Variants in COL18A1 observed in about 807,000 individuals in gnomAD.
COL18A1 encodes collagen type XVIII alpha 1 chain, also known as collagen alpha-1(XVIII) chain.
A neutral mutation model predicts 168.0 loss-of-function variants in COL18A1; 133 were observed. The ratio of observed to expected loss-of-function variants is 0.79; its 90% confidence interval spans 0.69 to 0.91. The LOEUF (loss-of-function observed/expected upper bound fraction) is 0.91, where lower values mean the gene tolerates loss of function less well. Ranked by LOEUF, COL18A1 falls within the 40% of genes least tolerant of loss-of-function variation. The probability of loss-of-function intolerance (pLI) is 0.00; values close to 1 mark genes in which losing one functional copy is unlikely to be tolerated. For synonymous variants in COL18A1, 949 were observed against 809.0 expected (o/e 1.17, Z -2.94); for missense variants, 2,126 against 1,925.4 (o/e 1.10, Z -1.95).
chr21:45,478,682 G>C (rs1165727877), intron 9 of COL18A1, among the ~76,000 whole-genome samples: 1 of 152,072 alleles, frequency 6.6e-6, no homozygotes, highest in South Asian at 2.1e-4. Context: ...GCAAGTCGGC[G>C]GGGGAGGGAA....
intron 2 of COL18A1, among the ~76,000 whole-genome samples, chr21:45,450,574 G>A: frequency 6.6e-6 from 1 of 152,190 alleles, no homozygotes; most frequent in East Asian, 1.9e-4. Context: ...GAAAATAAAA[G>A]ACCACACTAT....
At chr21:45,438,317 C>T (rs571521964) in intron 2 of COL18A1, among the ~76,000 whole-genome samples, 1 of 104,184 alleles carries the variant, frequency 9.6e-6, no homozygotes, top group Non-Finnish European at 1.9e-5. Context: ...GACACACAGG[C>T]ACTCTCCTGC....
intron 2 of COL18A1, among the ~76,000 whole-genome samples, chr21:45,435,600 C>T (rs926288404): frequency 7.2e-5 from 11 of 151,962 alleles, no homozygotes; most frequent in Non-Finnish European, 1.3e-4. Flanking sequence ...CTGTGGGAGT[C>T]CGGGAGGGAG....
chr21:45,459,036 C>A (rs58750109), intron 2 of COL18A1, among the ~76,000 whole-genome samples: 1 of 152,150 alleles, frequency 6.6e-6, no homozygotes, highest in African/African-American at 2.4e-5. Flanking sequence ...GTAGCGTCCC[C>A]GTGCGAGGGA....
chr21:45,444,743 A>G (rs1280452291), intron 2 of COL18A1, among the ~76,000 whole-genome samples: 1 of 152,122 alleles, frequency 6.6e-6, no homozygotes. Context: ...TAGGTTTGAA[A>G]ACCAACATTA....
chr21:45,470,663 T>A (rs1351508753), intron 3 of COL18A1, among the ~76,000 whole-genome samples: 1 of 151,966 alleles, frequency 6.6e-6, no homozygotes, highest in Admixed American at 6.6e-5. Flanking sequence ...ATTTTTGTAT[T>A]TTTAGTAGAG....
intron 2 of COL18A1, among the ~76,000 whole-genome samples, chr21:45,431,189 G>A (rs1440318850): frequency 6.6e-6 from 1 of 152,140 alleles, no homozygotes; most frequent in Non-Finnish European, 1.5e-5. Flanking sequence ...GCTCTCCAAG[G>A]GTGGGCGACG....
At chr21:45,454,904 G>C (rs928197750) in intron 2 of COL18A1, among the ~76,000 whole-genome samples, 1 of 152,224 alleles carries the variant, frequency 6.6e-6, no homozygotes, top group African/African-American at 2.4e-5. Flanking sequence ...AGGGCTGAGA[G>C]GGACACAGTC....
In COL18A1 at chr21:45,507,304, G is replaced by T; in HGVS notation, c.3217-257G>T. On this transcript the variant is annotated intron_variant, in intron 37 of 41. Transcript: ENST00000651438. ...CTGGGAGGGCCGGGTGCTGGGCAGGGAGGGCACCCTCCTGTGGGCTGGCAG... is the reference window on the plus strand; with the variant it reads ...CTGGGAGGGCCGGGTGCTGGGCAGGTAGGGCACCCTCCTGTGGGCTGGCAG... The T allele has an allele frequency of 8.7e-6, 5 of 574,842 alleles. No homozygotes were observed. In the South Asian group the frequency reaches 9.4e-5, roughly 11 times the overall value. The allele number at this position is 574,842 out of a possible 1,614,324, so 35.6% of individuals were successfully genotyped here. A position where few individuals can be genotyped will look rare whatever the true frequency, so the allele number is the denominator to read the frequency against.
In COL18A1 at chr21:45,486,851, C is replaced by A. The variant is rs1264362792; in HGVS notation, c.1702-10C>A. 2 of 1,527,314 alleles carry A rather than the reference C, an allele frequency of 1.3e-6. No individual in the cohort carries two copies. The highest frequency in any genetic ancestry group is 8.8e-7 in the Non-Finnish European group (1 of 1,140,292). The allele number at this position is 1,527,314 out of a possible 1,614,324, so 94.6% of individuals were successfully genotyped here. A position where few individuals can be genotyped will look rare whatever the true frequency, so the allele number is the denominator to read the frequency against. On this transcript the variant is annotated splice_polypyrimidine_tract_variant and intron_variant, in intron 15 of 41. Coordinates refer to ENST00000651438, the MANE Select transcript of COL18A1 (RefSeq NM_001379500.1). The stretch of plus-strand genomic sequence containing the variant: ...GCTGGGTCCTGACACGCTCTCCTCA[C>A]CCCACGCAGGGGAGCAAGGGAGCCC...
intron 3 of COL18A1, among the ~76,000 whole-genome samples, chr21:45,470,828 G>A (rs2035395631): frequency 6.6e-6 from 1 of 152,328 alleles, no homozygotes; most frequent in South Asian, 2.1e-4. Flanking sequence ...GCCTGGAGAA[G>A]ACACCATGAC....
chr21:45,503,916 G>A, intron 32 of COL18A1, 95 bp from the exon 33 acceptor site: 1 of 1,307,392 alleles, frequency 7.6e-7, no homozygotes, highest in African/African-American at 1.5e-5. Flanking sequence ...GGCTAGAAGG[G>A]CCTCAGGCAA....
rs373536407 is a variant in COL18A1 at position 45,481,985 on chromosome 21, G to T, written c.1634G>T (p.Arg545Ile). The change falls in exon 14 of 42, where the codon AGA becomes ATA. Residue 545 changes from arginine (R) to isoleucine (I), a missense_variant. Arg to Ile is a moderately conservative substitution (Grantham distance 97, BLOSUM62 -3). Transcript: ENST00000651438. ...GLPGPPGPPGREGPPGRTGQK... is the reference protein window; with the variant it reads ...GLPGPPGPPGIEGPPGRTGQK... ...CAGGGACCCCCAGGCCCTCCGGGAAGAGAGGGGCCCCCAGGAAGGACTGGG... is the reference window on the plus strand; with the variant it reads ...CAGGGACCCCCAGGCCCTCCGGGAATAGAGGGGCCCCCAGGAAGGACTGGG... The T allele has an allele frequency of 7.4e-6, 12 of 1,613,614 alleles. No homozygotes were observed. The highest frequency in any genetic ancestry group is 1.0e-5 in the Non-Finnish European group (12 of 1,179,648).
In COL18A1 at chr21:45,443,759, G is replaced by A. The variant is rs951161537; in HGVS notation, c.107-24483G>A. Reference sequence around the variant, plus strand: ...GGTGAAGAGTCTTTATGAGAGCAATGCGGCCCCGTGCCCCTTTACGCGGCT... The same window carrying A: ...GGTGAAGAGTCTTTATGAGAGCAATACGGCCCCGTGCCCCTTTACGCGGCT... On this transcript the variant is annotated intron_variant, in intron 2 of 41. Coordinates refer to ENST00000651438, the MANE Select transcript of COL18A1 (RefSeq NM_001379500.1). This position sits in a 1 kb window ranked among gnomAD's most constrained non-coding sequence, Gnocchi z 5.2. Among the ~76,000 whole-genome samples, 2 of 152,192 alleles carry A rather than the reference G, an allele frequency of 1.3e-5. No homozygotes were observed. Among genetic ancestry groups the A allele is most frequent in the African/African-American group, 4.8e-5 (2 of 41,436 alleles).
chr21:45,498,417 C>G lies in COL18A1; in HGVS notation c.2683+756C>G. On this transcript the variant is annotated intron_variant, in intron 32 of 41. Coordinates refer to ENST00000651438, the MANE Select transcript of COL18A1 (RefSeq NM_001379500.1). The surrounding 1 kb of genome is among the most constrained non-coding windows in gnomAD (Gnocchi z 4.5). ...TCCCCTCTCGCCGCCAGGGTCCCCT[C>G]TCGCCGCCACGGTCCCCTCTCGCCG... 1 of 683,386 alleles carries G rather than the reference C, an allele frequency of 1.5e-6. No individual in the cohort carries two copies. The highest frequency in any genetic ancestry group is 2.7e-6 in the Non-Finnish European group (1 of 363,836). 42.3% of individuals were successfully genotyped at this position (683,386 alleles called of 1,614,324 possible). A position where few individuals can be genotyped will look rare whatever the true frequency, so the allele number is the denominator to read the frequency against.
At chr21:45,496,350 C>T in intron 29 of COL18A1, 150 bp from the exon 30 acceptor site, 1 of 729,896 alleles carries the variant, frequency 1.4e-6, no homozygotes, top group Non-Finnish European at 2.5e-6. Context: ...GAGCCGTGGC[C>T]CGAGTGACCC....
chr21:45,456,888 G>A, intron 2 of COL18A1: 2 of 1,432,084 alleles, frequency 1.4e-6, no homozygotes, highest in Non-Finnish European at 1.8e-6. Context: ...GCAGGTAACT[G>A]GCCGGCCCCG....
chr21:45,487,319 C>G (rs750508721), intron 16 of COL18A1, 128 bp from the exon 17 acceptor site: 14 of 1,106,180 alleles, frequency 1.3e-5, no homozygotes, highest in Non-Finnish European at 1.7e-5. Flanking sequence ...CATCTGAGAA[C>G]GGCGGCTCCC....
rs2035414190 is a variant in COL18A1 at position 45,471,113 on chromosome 21, G to A, written c.651+2327G>A. Among the ~76,000 whole-genome samples the A allele has an allele frequency of 6.6e-6, 1 of 151,282 alleles. No individual in the cohort carries two copies. Among genetic ancestry groups the A allele is most frequent in the Admixed American group, 6.6e-5 (1 of 15,198 alleles). On this transcript the variant is annotated intron_variant, in intron 3 of 41. Transcript: ENST00000651438. This position sits in a 1 kb window ranked among gnomAD's most constrained non-coding sequence, Gnocchi z 4.4. ...TACGGGCCGTGTGCTGCTGGGCCTGGGTGGCGCACTACGGGCCTTGTGCTG... is the reference window on the plus strand; with the variant it reads ...TACGGGCCGTGTGCTGCTGGGCCTGAGTGGCGCACTACGGGCCTTGTGCTG...
Sources: allele counts gnomAD v4.1 joint callset (sites outside exome capture counted in the v4.1 genomes callset), GRCh38; gene constraint gnomAD v4.1.1; non-coding constraint Gnocchi (gnomAD v3.1); transcripts MANE v1.5; gene names NCBI Gene and HGNC (gene_info 2026-07-23, HGNC 2026-07-21).